GALNT14: variants seen among roughly 807,000 people sequenced by gnomAD.
GALNT14 encodes the protein polypeptide N-acetylgalactosaminyltransferase 14, also known as UDP-GalNAc:polypeptide N-acetylgalactosaminyltransferase 14.
A neutral mutation model predicts 77.5 loss-of-function variants in GALNT14; 60 were observed. The observed-to-expected ratio is 0.77, with a 90% CI of 0.63 to 0.96. GALNT14 has a LOEUF of 0.96. Ranked by LOEUF, GALNT14 falls within the 40% of genes least tolerant of loss-of-function variation. The pLI is 0.00. For synonymous variants in GALNT14, 280 were observed against 281.7 expected (o/e 0.99, Z 0.06); for missense variants, 710 against 731.0 (o/e 0.97, Z 0.33).
At chr2:31,097,016 T>G (rs1391881962) in intron 1 of GALNT14, among the ~76,000 whole-genome samples, 1 of 152,098 alleles carries the variant, frequency 6.6e-6, no homozygotes, top group African/African-American at 2.4e-5. Flanking sequence ...ATTAGCATAG[T>G]GCTGGTTCTA....
chr2:31,023,527 T>G (rs1300524538), intron 1 of GALNT14, among the ~76,000 whole-genome samples: 1 of 152,070 alleles, frequency 6.6e-6, no homozygotes, highest in African/African-American at 2.4e-5. Flanking sequence ...CAGCTTCCCT[T>G]ACAGAAAGGG....
intron 1 of GALNT14, among the ~76,000 whole-genome samples, chr2:31,088,487 T>C (rs10490518): frequency 0.44 from 67,526 of 151,938 alleles, 15,452 homozygotes; most frequent in Middle Eastern, 0.48. Context: ...TGTGAGAACA[T>C]GTCTTGGGTA....
At chr2:31,009,378 C>A (rs1670879572) in intron 1 of GALNT14, among the ~76,000 whole-genome samples, 1 of 152,144 alleles carries the variant, frequency 6.6e-6, no homozygotes, top group Admixed American at 6.5e-5. Flanking sequence ...CAGACTTTGG[C>A]ATCTTCTTCA....
chr2:31,054,040 C>G (rs115950057), intron 1 of GALNT14, among the ~76,000 whole-genome samples: 2,561 of 152,324 alleles, frequency 0.017, 75 homozygotes, highest in African/African-American at 0.057. Context: ...CATGCCTCCT[C>G]TGTGCCAGGC....
chr2:31,079,571 A>G (rs1676027162), intron 1 of GALNT14, among the ~76,000 whole-genome samples: 1 of 152,172 alleles, frequency 6.6e-6, no homozygotes, highest in Middle Eastern at 3.2e-3. Context: ...GCAAGTGGTT[A>G]TGATTCTCCT....
At chr2:31,078,515 C>T (rs1237848754) in intron 1 of GALNT14, among the ~76,000 whole-genome samples, 1 of 152,156 alleles carries the variant, frequency 6.6e-6, no homozygotes, top group Non-Finnish European at 1.5e-5. Context: ...GGATCTAAGT[C>T]TGAATTTTTC....
chr2:31,016,848 A>G lies in GALNT14; in HGVS notation c.130-23841T>C, dbSNP rs78367167. 4.4e-3 allele frequency among the ~76,000 whole-genome samples: 664 copies of G among 152,204 alleles called. 2 individuals carry two copies. Among genetic ancestry groups the G allele is most frequent in the African/African-American group, 0.013 (545 of 41,532 alleles). On this transcript the variant is annotated intron_variant, in intron 1 of 14. Coordinates refer to ENST00000349752, the MANE Select transcript of GALNT14 (RefSeq NM_024572.4). ...ATTAAATTTACAAGGCTCTGCTTCTATGGAATCTGACTCAAGACACAAAGC... is the reference window on the plus strand; with the variant it reads ...ATTAAATTTACAAGGCTCTGCTTCTGTGGAATCTGACTCAAGACACAAAGC...
chr2:31,109,658 C>T (rs952920853), intron 1 of GALNT14, among the ~76,000 whole-genome samples: 2 of 152,178 alleles, frequency 1.3e-5, no homozygotes, highest in East Asian at 1.9e-4. Flanking sequence ...TTGTAATGGA[C>T]GCGATGTGGT....
intron 1 of GALNT14, among the ~76,000 whole-genome samples, chr2:31,110,700 AT>A (rs1359929234): frequency 1.3e-5 from 2 of 151,564 alleles, no homozygotes; most frequent in African/African-American, 2.4e-5. Flanking sequence ...AATCACCACA[AT>A]TTTTTTTTCT....
At chr2:31,037,856 T>A (rs1307845404) in intron 1 of GALNT14, among the ~76,000 whole-genome samples, 1 of 151,850 alleles carries the variant, frequency 6.6e-6, no homozygotes, top group African/African-American at 2.4e-5. Flanking sequence ...TAACTCTGCC[T>A]CATTCTTCAC....
intron 1 of GALNT14, among the ~76,000 whole-genome samples, chr2:31,076,112 G>A (rs552034653): frequency 2.1e-3 from 313 of 152,332 alleles, no homozygotes; most frequent in African/African-American, 7.0e-3. Flanking sequence ...ACAGCTGGAA[G>A]AACTGGAGAA....
intron 13 of GALNT14, among the ~76,000 whole-genome samples, chr2:30,917,643 C>A (rs930428419): frequency 6.6e-6 from 1 of 152,232 alleles, no homozygotes; most frequent in Non-Finnish European, 1.5e-5. Flanking sequence ...AAGGGCCAGG[C>A]CTGGTGCTAG....
intron 1 of GALNT14, among the ~76,000 whole-genome samples, chr2:31,004,164 C>T (rs895165400): frequency 2.6e-5 from 4 of 152,294 alleles, no homozygotes; most frequent in Non-Finnish European, 4.4e-5. Flanking sequence ...GAGACCAGAG[C>T]GGCAAGCTGG....
At chr2:31,106,273 T>C (rs1254265141) in intron 1 of GALNT14, among the ~76,000 whole-genome samples, 4 of 152,222 alleles carry the variant, frequency 2.6e-5, no homozygotes, top group South Asian at 4.1e-4. Context: ...TTCCATTGTG[T>C]GTGTTTTCTG....
chr2:30,972,199 A>G (rs1668398083), intron 2 of GALNT14, among the ~76,000 whole-genome samples: 1 of 152,228 alleles, frequency 6.6e-6, no homozygotes, highest in African/African-American at 2.4e-5. Flanking sequence ...TGTCAGTGTC[A>G]AAGAGAAGCC....
At chr2:31,032,402 C>T (rs757720351) in intron 1 of GALNT14, among the ~76,000 whole-genome samples, 13 of 152,188 alleles carry the variant, frequency 8.5e-5, no homozygotes, top group African/African-American at 1.2e-4. Context: ...AGGGCTGCAG[C>T]GCAGAGCTCC....
At chr2:31,093,888 T>A (rs1676878052) in intron 1 of GALNT14, among the ~76,000 whole-genome samples, 1 of 152,248 alleles carries the variant, frequency 6.6e-6, no homozygotes, top group Admixed American at 6.5e-5. Context: ...AAGCAGGACC[T>A]GAGAGGTCCT....
intron 1 of GALNT14, among the ~76,000 whole-genome samples, chr2:31,135,253 G>A (rs961417740): frequency 3.9e-5 from 6 of 152,270 alleles, no homozygotes; most frequent in African/African-American, 1.4e-4. Context: ...ACTCACAGAG[G>A]CATAATCTCT....
At chr2:31,051,813 A>G (rs1673887919) in intron 1 of GALNT14, among the ~76,000 whole-genome samples, 3 of 152,178 alleles carry the variant, frequency 2.0e-5, no homozygotes, top group Non-Finnish European at 4.4e-5. Context: ...TCACCAAAAT[A>G]AAGCCTTCAC....
Sources: allele counts gnomAD v4.1 joint callset (sites outside exome capture counted in the v4.1 genomes callset), GRCh38; gene constraint gnomAD v4.1.1; transcripts MANE v1.5; gene names NCBI Gene and HGNC (gene_info 2026-07-23, HGNC 2026-07-21).